CNPY1: variants seen among roughly 807,000 people sequenced by gnomAD.
CNPY1 encodes the protein protein canopy homolog 1.
Under a neutral mutation model 14.4 loss-of-function variants are expected in CNPY1, and 14 were observed. The observed-to-expected ratio is 0.97, with a 90% CI of 0.64 to 1.52. The LOEUF (loss-of-function observed/expected upper bound fraction) is 1.52. CNPY1 is among the 40% of genes most tolerant of loss of function. CNPY1 has a pLI of 0.00. For synonymous variants in CNPY1, 43 were observed against 46.5 expected (o/e 0.92, Z 0.31); for missense variants, 129 against 131.5 (o/e 0.98, Z 0.09).
chr7:155,514,058 C>A (rs1796572480), intron 2 of CNPY1, among the ~76,000 whole-genome samples: 2 of 152,370 alleles, frequency 1.3e-5, no homozygotes, highest in African/African-American at 4.8e-5. Flanking sequence ...CCGGTGGGCA[C>A]CGCTCAGAGG....
chr7:155,503,864 A>G (rs1449586096), intron 4 of CNPY1, among the ~76,000 whole-genome samples: 1 of 152,212 alleles, frequency 6.6e-6, no homozygotes, highest in Non-Finnish European at 1.5e-5. Flanking sequence ...TATTTAACAA[A>G]TACTTCCATG....
At chr7:155,522,098 C>T (rs938357374) in intron 2 of CNPY1, among the ~76,000 whole-genome samples, 2 of 152,370 alleles carry the variant, frequency 1.3e-5, no homozygotes, top group South Asian at 2.1e-4. Flanking sequence ...CACACAGCTG[C>T]GGCACCACGT....
chr7:155,519,300 T>A (rs184422328), intron 2 of CNPY1, among the ~76,000 whole-genome samples: 2 of 152,056 alleles, frequency 1.3e-5, no homozygotes, highest in Admixed American at 1.3e-4. Flanking sequence ...GACAGGAGGA[T>A]CCTTTGATCT....
chr7:155,526,425 C>T (rs1026923760), intron 2 of CNPY1, among the ~76,000 whole-genome samples: 7 of 152,064 alleles, frequency 4.6e-5, no homozygotes, highest in African/African-American at 7.2e-5. Flanking sequence ...CCTTCGTGGA[C>T]GGGGAGGTGT....
chr7:155,541,197 C>T (rs1045126349), intron 2 of CNPY1, among the ~76,000 whole-genome samples: 2 of 152,188 alleles, frequency 1.3e-5, no homozygotes, highest in African/African-American at 4.8e-5. Context: ...GCTGAGCCTC[C>T]CCGTTCCCGC....
chr7:155,542,044 C>CG (rs899088123), intron 2 of CNPY1, among the ~76,000 whole-genome samples: 22 of 50,102 alleles, frequency 4.4e-4, no homozygotes, highest in South Asian at 1.5e-3. Context: ...GGGGCAGGGT[C>CG]GGGGGGGCAG....
At chr7:155,507,164 G>A in intron 3 of CNPY1, 48 bp from the exon 4 acceptor site, 1 of 1,208,650 alleles carries the variant, frequency 8.3e-7, no homozygotes, top group Admixed American at 1.7e-5. Context: ...ACACTGGCGG[G>A]GCACTTTGTT....
At chr7:155,520,486 G>T (rs1246514415) in intron 2 of CNPY1, among the ~76,000 whole-genome samples, 1 of 134,754 alleles carries the variant, frequency 7.4e-6, no homozygotes, top group East Asian at 2.2e-4. Flanking sequence ...CACCCAGGCT[G>T]GAGTGTAATA....
At chr7:155,521,041 GAA>G (rs35803409) in intron 2 of CNPY1, among the ~76,000 whole-genome samples, 12 of 147,742 alleles carry the variant, frequency 8.1e-5, no homozygotes, top group African/African-American at 2.0e-4. Flanking sequence ...GCATGAGAAT[GAA>G]AAAAAAAGAA....
intron 2 of CNPY1, among the ~76,000 whole-genome samples, chr7:155,516,981 C>T (rs1185704744): frequency 6.6e-6 from 1 of 152,186 alleles, no homozygotes; most frequent in Non-Finnish European, 1.5e-5. Context: ...GAGACATGGC[C>T]GCTGGTCCTT....
Position 155,513,392 on chromosome 7 carries a change from G to A in CNPY1, c.100-4295C>T, listed in dbSNP as rs144336698. 7.9e-3 allele frequency among the ~76,000 whole-genome samples: 1,210 copies of A among 152,236 alleles called. 15 individuals are homozygous for A. The highest frequency in any genetic ancestry group is 0.035 in the South Asian group (167 of 4,828). On this transcript the variant is annotated intron_variant, in intron 2 of 4. Transcript: ENST00000636446. ...CACCGTAAACTCCATATTTAAACAC[G>A]TGAATTTGTGGTGTCCATAAGACCT...
chr7:155,501,230 C>T lies in CNPY1; in HGVS notation c.*1838G>A, dbSNP rs903290141. On this transcript the variant is annotated 3_prime_UTR_variant, in exon 5 of 5. Transcript: ENST00000636446. ...ATAGTCACTGTAAGTCAAGGTTCCT[C>T]GCCCTCTCCATTCAAAGCAAAGCAT... 6.6e-6 allele frequency: 1 copy of T among 152,174 alleles called. No individual in the cohort carries two copies. The highest frequency in any genetic ancestry group is 1.5e-5 in the Non-Finnish European group (1 of 68,034). 9.4% of individuals were successfully genotyped at this position (152,174 alleles called of 1,614,324 possible).
Position 155,546,352 on chromosome 7 carries a change from A to ATT in CNPY1, c.-15+75_-15+76dup, listed in dbSNP as rs34943403. 4.0e-3 allele frequency: 1,502 copies of ATT among 376,268 alleles called. 2 individuals carry two copies. Among genetic ancestry groups the ATT allele is most frequent in the African/African-American group, 5.3e-3 (242 of 45,418 alleles). 23.3% of individuals were successfully genotyped at this position (376,268 alleles called of 1,614,324 possible). A position where few individuals can be genotyped will look rare whatever the true frequency, so the allele number is the denominator to read the frequency against. On this transcript the variant is annotated intron_variant, in intron 1 of 4. Coordinates refer to ENST00000636446, the MANE Select transcript of CNPY1 (RefSeq NM_001393663.1). ...AGGCATACGTCGCCACACCCGGCTA[A>ATT]TTTTTTTTTTTTTTTAAGAGACGGG...
chr7:155,522,485 G>A (rs1379442246), intron 2 of CNPY1, among the ~76,000 whole-genome samples: 2 of 152,258 alleles, frequency 1.3e-5, no homozygotes, highest in East Asian at 3.8e-4. Context: ...CCTACCCTGA[G>A]GTTGGCGGCC....
At chr7:155,531,532 G>GGC (rs1563094996) in intron 2 of CNPY1, among the ~76,000 whole-genome samples, 2 of 152,212 alleles carry the variant, frequency 1.3e-5, no homozygotes, top group African/African-American at 4.8e-5. Flanking sequence ...CTTATAGGCT[G>GGC]CTCAAAGTGG....
chr7:155,532,291 A>G (rs1034893955), intron 2 of CNPY1, among the ~76,000 whole-genome samples: 8 of 151,952 alleles, frequency 5.3e-5, no homozygotes, highest in Non-Finnish European at 2.9e-5. Context: ...GCCTTTCCCA[A>G]CTGTTCTTAA....
chr7:155,532,578 G>A (rs4716675), intron 2 of CNPY1, among the ~76,000 whole-genome samples: 52,546 of 151,348 alleles, frequency 0.35, 10,111 homozygotes, highest in Non-Finnish European at 0.42. Flanking sequence ...CCGAGATCGC[G>A]CCACTGCACT....
chr7:155,534,972 A>G (rs1585333468), intron 2 of CNPY1, among the ~76,000 whole-genome samples: 2 of 152,274 alleles, frequency 1.3e-5, no homozygotes, highest in South Asian at 4.1e-4. Context: ...TCTGGTGGGC[A>G]CAGGACCCCA....
chr7:155,512,980 G>A (rs1246106948), intron 2 of CNPY1, among the ~76,000 whole-genome samples: 1 of 152,178 alleles, frequency 6.6e-6, no homozygotes, highest in Non-Finnish European at 1.5e-5. Flanking sequence ...AATCACTGCT[G>A]ATATTAGTTA....
Sources: gnomAD v4.1 joint callset for allele counts (sites outside exome capture counted in the v4.1 genomes callset) on GRCh38, gnomAD v4.1.1 for gene constraint, MANE v1.5 for transcripts, NCBI Gene and HGNC (gene_info 2026-07-23, HGNC 2026-07-21) for gene names.